Variants in LBP observed in about 807,000 individuals in gnomAD.
LBP encodes lipopolysaccharide-binding protein.
In LBP, 53 loss-of-function variants were observed where a neutral mutation model predicts 56.6. That is an observed-to-expected ratio of 0.94 (90% CI 0.75 to 1.18). The LOEUF is 1.18. Ranked by LOEUF, LBP falls within the 50% of genes most tolerant of loss-of-function variation. The pLI is 0.00. For missense variants in LBP, 601 were observed against 598.3 expected, an observed-to-expected ratio of 1.00 and a Z score of -0.05; for synonymous variants, 227 against 247.5, an observed-to-expected ratio of 0.92 and a Z score of 0.78.
intron 9 of LBP, among the ~76,000 whole-genome samples, chr20:38,367,918 G>T (rs141795822): frequency 6.6e-6 from 1 of 152,176 alleles, no homozygotes; most frequent in South Asian, 2.1e-4. Context: ...AGGGCTGGTC[G>T]TGGTGGCTCA....
chr20:38,354,566 T>G, intron 4 of LBP, 127 bp downstream of exon 4: 1 of 743,240 alleles, frequency 1.3e-6, no homozygotes, highest in South Asian at 2.1e-5. Flanking sequence ...AAGATCATTC[T>G]CTGGGGAACC....
chr20:38,354,440 G>T lies in LBP; in HGVS notation c.524+1G>T. ...AGGTGGACATGTCGGGAGACTTGGG[G>T]TAGGTCTCCATCGGGGCACTGCCAG... On this transcript the variant is annotated splice_donor_variant, in intron 4 of 14. Coordinates refer to ENST00000217407, the MANE Select transcript of LBP (RefSeq NM_004139.5). LOFTEE classifies it high-confidence loss of function. 6.2e-7 allele frequency: 1 copy of T among 1,609,306 alleles called. No homozygotes were observed. The highest frequency in any genetic ancestry group is 8.5e-7 in the Non-Finnish European group (1 of 1,177,694).
chr20:38,351,421 G>A (rs1411638614), intron 3 of LBP, among the ~76,000 whole-genome samples: 2 of 152,082 alleles, frequency 1.3e-5, no homozygotes, highest in Admixed American at 6.5e-5. Flanking sequence ...GCCCCACGCT[G>A]TCACCCCGTC....
At chr20:38,352,570 C>T (rs1190526286) in intron 3 of LBP, among the ~76,000 whole-genome samples, 2 of 152,188 alleles carry the variant, frequency 1.3e-5, no homozygotes, top group Non-Finnish European at 2.9e-5. Context: ...GCTTGGTCAA[C>T]ATGGTGAAAC....
intron 12 of LBP, among the ~76,000 whole-genome samples, chr20:38,371,998 T>C (rs1231255697): frequency 6.6e-6 from 1 of 152,198 alleles, no homozygotes; most frequent in Non-Finnish European, 1.5e-5. Flanking sequence ...AGGAGGGTTG[T>C]TCCCTGGGGG....
chr20:38,369,049 G>A lies in LBP; in HGVS notation c.1036G>A (p.Ala346Thr). 1 of 1,614,118 alleles carries A rather than the reference G, an allele frequency of 6.2e-7. No homozygotes were observed. Among genetic ancestry groups the A allele is most frequent in the Non-Finnish European group, 8.5e-7 (1 of 1,180,016 alleles). ...GGAACTCCAGGGATCAGTGCCCTCT[G>A]CTCCGCTCCTGAACTTCAGCCCTGG... is the stretch of plus-strand genomic sequence containing the variant. ...NLELQGSVPS[A>T]PLLNFSPGNL... The change falls in exon 10 of 15, where the codon GCT becomes ACT. Residue 346 changes from alanine (A) to threonine (T), a missense_variant. Ala to Thr is a moderately conservative substitution (Grantham distance 58). Transcript: ENST00000217407.
rs1283505294 is a variant in LBP, at chr20:38,367,615, CA to C, written c.981+788del. Among the ~76,000 whole-genome samples the C allele has an allele frequency of 1.2e-4, 18 of 152,306 alleles. No individual in the cohort carries two copies. In the East Asian group the frequency reaches 2.9e-3, roughly 24 times the overall value. On this transcript the variant is annotated intron_variant, in intron 9 of 14. Coordinates refer to ENST00000217407, the MANE Select transcript of LBP (RefSeq NM_004139.5). ...AGTTTGCCAATATTACCAGATTTTA[CA>C]TATCTTTCTGATGATATTCTATGTA...
Position 38,376,939 on chromosome 20 carries a change from T to C in LBP, c.*270T>C. The C allele has an allele frequency of 1.6e-6, 1 of 607,406 alleles. No homozygotes were observed. Among genetic ancestry groups the C allele is most frequent in the Non-Finnish European group, 3.1e-6 (1 of 324,296 alleles). 37.6% of individuals were successfully genotyped at this position (607,406 alleles called of 1,614,324 possible). ...TACAAGCAGGCACTGTATTTTTTTA[T>C]TCGCCATCTGATCCCCATGCCTAGC... On this transcript the variant is annotated 3_prime_UTR_variant, in exon 15 of 15. Coordinates refer to ENST00000217407, the MANE Select transcript of LBP (RefSeq NM_004139.5).
At chr20:38,355,204 G>A in intron 4 of LBP, 142 bp from the exon 5 acceptor site, 1 of 710,388 alleles carries the variant, frequency 1.4e-6, no homozygotes, top group Admixed American at 2.2e-5. Flanking sequence ...AATCAGGCTG[G>A]ATGTGCTGGG....
At chr20:38,359,197 GGTTTTTTTGTTTTTC>G (rs975782787) in intron 5 of LBP, among the ~76,000 whole-genome samples, 2 of 151,978 alleles carry the variant, frequency 1.3e-5, no homozygotes, top group Non-Finnish European at 2.9e-5. Flanking sequence ...CTTTTAGAGG[GGTTTTTTTGTTTTTC>G]GTTTTTTTGG....
At chr20:38,359,989 C>A (rs11536962) in intron 5 of LBP, among the ~76,000 whole-genome samples, 5 of 152,086 alleles carry the variant, frequency 3.3e-5, no homozygotes, top group Non-Finnish European at 7.4e-5. Context: ...TGGTGGCTCA[C>A]GTCTGTAATC....
chr20:38,350,457 C>A (rs947611468), intron 2 of LBP, among the ~76,000 whole-genome samples: 1 of 152,112 alleles, frequency 6.6e-6, no homozygotes, highest in Non-Finnish European at 1.5e-5. Context: ...AACTGCAAAC[C>A]CAAAGGGATA....
At chr20:38,352,055 A>G (rs2076822463) in intron 3 of LBP, among the ~76,000 whole-genome samples, 1 of 151,338 alleles carries the variant, frequency 6.6e-6, no homozygotes, top group African/African-American at 2.4e-5. Context: ...AAAAAAAAAG[A>G]AAAAAGAAAG....
chr20:38,361,158 T>C (rs1600726325), intron 6 of LBP, among the ~76,000 whole-genome samples: 1 of 149,664 alleles, frequency 6.7e-6, no homozygotes, highest in African/African-American at 2.5e-5. Context: ...ACCGAAACTC[T>C]GTCTCAACAG....
chr20:38,363,933 A>G, intron 6 of LBP, 42 bp from the exon 7 acceptor site: 1 of 1,412,560 alleles, frequency 7.1e-7, no homozygotes, highest in Non-Finnish European at 1.0e-6. Context: ...AGCAGCTGAA[A>G]GTGTCATCTG....
intron 3 of LBP, among the ~76,000 whole-genome samples, chr20:38,353,175 A>G (rs2076826324): frequency 6.6e-6 from 1 of 152,204 alleles, no homozygotes; most frequent in Non-Finnish European, 1.5e-5. Flanking sequence ...ATTGATAGGA[A>G]ATTCACGGAA....
At chr20:38,370,659 A>G (rs1414809342) in intron 10 of LBP, 79 bp from the exon 11 acceptor site, 4 of 1,264,588 alleles carry the variant, frequency 3.2e-6, no homozygotes, top group African/African-American at 1.5e-5. Flanking sequence ...GAGAGGAGAC[A>G]GTTGGTCCCT....
At chr20:38,371,651 C>T (rs2076901290) in intron 12 of LBP, among the ~76,000 whole-genome samples, 1 of 152,016 alleles carries the variant, frequency 6.6e-6, no homozygotes, top group African/African-American at 2.4e-5. Context: ...AAACTAAGAC[C>T]AGAGGTTTCA....
intron 6 of LBP, among the ~76,000 whole-genome samples, chr20:38,362,262 ATGTTAGCCAGGATGGTCT>A (rs1314778707): frequency 1.5e-4 from 22 of 142,852 alleles, no homozygotes; most frequent in African/African-American, 5.1e-4. Flanking sequence ...GGGTTTCACC[ATGTTAGCCAGGATGGTCT>A]TGATCTCCTG....
Sources: allele counts gnomAD v4.1 joint callset (sites outside exome capture counted in the v4.1 genomes callset), GRCh38; gene constraint gnomAD v4.1.1; transcripts MANE v1.5; gene names NCBI Gene and HGNC (gene_info 2026-07-23, HGNC 2026-07-21).